The following NTM variants were observed in gnomAD, a reference collection of about 807,000 sequenced individuals.
NTM encodes IgLON family member 2.
Under a neutral mutation model 42.1 loss-of-function variants are expected in NTM, and 13 were observed. The observed-to-expected ratio is 0.31, with a 90% confidence interval of 0.20 to 0.49. The LOEUF (loss-of-function observed/expected upper bound fraction) is 0.49. NTM is among the 20% of genes least tolerant of loss of function. The pLI is 0.99. For missense variants in NTM, 373 were observed against 452.8 expected (o/e 0.82, Z 1.60); for synonymous variants, 187 against 179.2 (o/e 1.04, Z -0.35).
chr11:131,589,167 A>ATG (rs58237274), intron 1 of NTM, among the ~76,000 whole-genome samples: 13,599 of 143,372 alleles, frequency 0.095, 627 homozygotes, highest in East Asian at 0.13. Flanking sequence ...ACCTGGAAAA[A>ATG]TGTGTGTGTG....
intron 2 of NTM, among the ~76,000 whole-genome samples, chr11:131,985,279 A>G (rs1030271682): frequency 6.6e-6 from 1 of 152,190 alleles, no homozygotes; most frequent in Admixed American, 6.5e-5. Flanking sequence ...CTATTTCACA[A>G]CAAGGGTCTA....
At position 131,756,324 on chromosome 11, in the gene NTM, C is replaced by T. The variant is rs1386861936; in HGVS notation, c.83-155240C>T. 3.9e-5 allele frequency among the ~76,000 whole-genome samples: 6 copies of T among 152,212 alleles called. No homozygotes were observed. The East Asian group carries it at 1.2e-3, about 29-fold the overall frequency. On this transcript the variant is annotated intron_variant, in intron 1 of 8. Transcript: ENST00000683400. ...TTGCAGGCGGGGCGTGGTGACACACCTGTAATTCCAGCATTTTGGGAGGCC... is the reference window on the plus strand; with the variant it reads ...TTGCAGGCGGGGCGTGGTGACACACTTGTAATTCCAGCATTTTGGGAGGCC...
intron 4 of NTM, among the ~76,000 whole-genome samples, chr11:132,268,633 ATG>A (rs1327503511): frequency 1.5e-5 from 2 of 131,618 alleles, no homozygotes; most frequent in African/African-American, 5.8e-5. Context: ...GTGTGTGTGT[ATG>A]TGTGTGTTTG....
intron 1 of NTM, chr11:131,796,298 G>C (rs1339805122): frequency 2.1e-6 from 1 of 466,852 alleles, no homozygotes; most frequent in African/African-American, 2.1e-5. Flanking sequence ...GGCTGTGCTG[G>C]TGTCTCAGGA....
intron 1 of NTM, among the ~76,000 whole-genome samples, chr11:131,628,289 T>G (rs550436023): frequency 3.8e-4 from 58 of 152,366 alleles, no homozygotes; most frequent in African/African-American, 1.3e-3. Context: ...TTAACTTCTC[T>G]AAATCTGTTT....
intron 1 of NTM, among the ~76,000 whole-genome samples, chr11:131,573,814 T>C (rs2057680528): frequency 6.6e-6 from 1 of 152,060 alleles, no homozygotes; most frequent in Non-Finnish European, 1.5e-5. Context: ...CTCAGTCATC[T>C]CTCGAGTTGG....
At chr11:131,399,706 C>T (rs1465031118) in intron 1 of NTM, among the ~76,000 whole-genome samples, 1 of 152,132 alleles carries the variant, frequency 6.6e-6, no homozygotes, top group Non-Finnish European at 1.5e-5. Flanking sequence ...GTGGTCAGCT[C>T]TTGTTCTAAT....
intron 2 of NTM, among the ~76,000 whole-genome samples, chr11:131,996,925 C>T (rs1042909452): frequency 1.3e-5 from 2 of 152,180 alleles, no homozygotes; most frequent in African/African-American, 2.4e-5. Context: ...AATGGGAATT[C>T]ACCCAATAGT....
At chr11:131,751,325 G>A (rs6590591) in intron 1 of NTM, among the ~76,000 whole-genome samples, 30,359 of 151,650 alleles carry the variant, frequency 0.2, 4,521 homozygotes, top group African/African-American at 0.42. Context: ...GGTGGCTCAC[G>A]CCACCGTGTA....
intron 2 of NTM, among the ~76,000 whole-genome samples, chr11:132,017,805 G>C (rs1368681237): frequency 6.6e-6 from 1 of 151,870 alleles, no homozygotes; most frequent in African/African-American, 2.4e-5. Context: ...CTTTTATTTA[G>C]ATCTGTTTTA....
intron 1 of NTM, among the ~76,000 whole-genome samples, chr11:131,792,234 T>TA (rs555516133): frequency 4.2e-4 from 64 of 152,022 alleles, no homozygotes; most frequent in African/African-American, 1.3e-3. Context: ...AAATAAAAAT[T>TA]AAAAAAACAC....
At chr11:131,838,722 A>AAG (rs35121863) in intron 1 of NTM, among the ~76,000 whole-genome samples, 111,002 of 151,626 alleles carry the variant, frequency 0.73, 40,894 homozygotes, top group East Asian at 0.86. Context: ...AGATAAAACA[A>AAG]AGGGGGTTTA....
At chr11:131,612,793 A>C (rs1464367544) in intron 1 of NTM, among the ~76,000 whole-genome samples, 3 of 152,224 alleles carry the variant, frequency 2.0e-5, no homozygotes, top group Non-Finnish European at 4.4e-5. Context: ...GGGCCCCACT[A>C]AGAGCAGCCT....
At chr11:132,036,975 G>A (rs1021658606) in intron 2 of NTM, among the ~76,000 whole-genome samples, 3 of 152,116 alleles carry the variant, frequency 2.0e-5, no homozygotes, top group Non-Finnish European at 4.4e-5. Context: ...CTGTCTCAGT[G>A]TTTCCACTGA....
At chr11:131,859,744 A>G (rs1481710333) in intron 1 of NTM, among the ~76,000 whole-genome samples, 1 of 152,230 alleles carries the variant, frequency 6.6e-6, no homozygotes. Context: ...AAGGCTTTGC[A>G]AATGCCTGGT....
At chr11:131,682,811 G>A (rs1300291631) in intron 1 of NTM, among the ~76,000 whole-genome samples, 1 of 152,066 alleles carries the variant, frequency 6.6e-6, no homozygotes, top group Non-Finnish European at 1.5e-5. Flanking sequence ...GGAGGCCCAA[G>A]AGAGGGGCCG....
intron 1 of NTM, chr11:131,795,940 G>A: frequency 3.1e-6 from 3 of 980,390 alleles, no homozygotes; most frequent in African/African-American, 3.5e-5. Flanking sequence ...GCTGCAGCAT[G>A]GAAGTGGTTA....
intron 3 of NTM, among the ~76,000 whole-genome samples, chr11:132,172,484 G>T (rs896746949): frequency 6.6e-6 from 1 of 152,162 alleles, no homozygotes; most frequent in African/African-American, 2.4e-5. Context: ...TGGGGGAAAT[G>T]CATTCAGTGG....
At chr11:131,492,902 C>A (rs781734156) in intron 1 of NTM, among the ~76,000 whole-genome samples, 5 of 151,946 alleles carry the variant, frequency 3.3e-5, no homozygotes, top group Non-Finnish European at 7.4e-5. Flanking sequence ...AATAACAAAC[C>A]TGTATGAGAG....
Sources: allele counts gnomAD v4.1 joint callset (sites outside exome capture counted in the v4.1 genomes callset), GRCh38; gene constraint gnomAD v4.1.1; transcripts MANE v1.5; gene names NCBI Gene and HGNC (gene_info 2026-07-23, HGNC 2026-07-21).